OPHN1: variants seen among roughly 807,000 people sequenced by gnomAD.
OPHN1 encodes the protein oligophrenin-1.
In OPHN1, 11 loss-of-function variants were observed where a neutral mutation model predicts 60.7. The ratio of observed to expected loss-of-function variants is 0.18; its 90% CI spans 0.11 to 0.30. OPHN1 has a LOEUF of 0.30. Among genes scored for constraint, OPHN1 ranks in the 10% least tolerant of loss-of-function variants. The probability of loss-of-function intolerance (pLI) is 1.00; values close to 1 mark genes in which losing one functional copy is unlikely to be tolerated. For synonymous variants in OPHN1, 226 were observed against 222.6 expected (o/e 1.02, Z -0.14); for missense variants, 449 against 611.0 (o/e 0.73, Z 2.80).
At chrX:68,110,236 A>T (rs1423314672) in intron 18 of OPHN1, among the ~76,000 whole-genome samples, 1 of 112,013 alleles carries the variant, frequency 8.9e-6, no homozygotes, top group Non-Finnish European at 1.9e-5. Flanking sequence ...TTTTGTTACT[A>T]TGAGTGAGCT....
chrX:68,216,951 C>T (rs1019107879), intron 6 of OPHN1, among the ~76,000 whole-genome samples: 3 of 112,081 alleles, frequency 2.7e-5, no homozygotes, highest in Non-Finnish European at 5.6e-5. Flanking sequence ...GGAACAGCTC[C>T]GGTCTACAGC....
chrX:68,302,237 T>C (rs778690227), intron 2 of OPHN1, among the ~76,000 whole-genome samples: 54 of 112,241 alleles, frequency 4.8e-4, no homozygotes, highest in Non-Finnish European at 8.4e-4. Context: ...ATTTCTCCAA[T>C]GCATGGGTTA....
At chrX:68,384,190 A>T (rs1417540476) in intron 2 of OPHN1, among the ~76,000 whole-genome samples, 1 of 112,000 alleles carries the variant, frequency 8.9e-6, no homozygotes, top group Non-Finnish European at 1.9e-5. Context: ...ATATTATTTC[A>T]AAAGTAGAGG....
intron 15 of OPHN1, among the ~76,000 whole-genome samples, chrX:68,164,009 C>T (rs760731495): frequency 2.7e-5 from 3 of 111,662 alleles, no homozygotes; most frequent in Admixed American, 1.9e-4. Flanking sequence ...CATTTATGGA[C>T]GGTTTACTGC....
At chrX:68,426,057 C>T (rs1602412905) in intron 2 of OPHN1, among the ~76,000 whole-genome samples, 1 of 111,131 alleles carries the variant, frequency 9.0e-6, no homozygotes, top group East Asian at 2.9e-4. Flanking sequence ...GTCTCAAACT[C>T]CTAGACTGAA....
At chrX:68,070,562 G>A (rs748619849) in intron 20 of OPHN1, 2 of 645,588 alleles carry the variant, frequency 3.1e-6, no homozygotes, top group Admixed American at 2.2e-5. Context: ...GGACTTTACT[G>A]TCCAGGAGCT....
chrX:68,065,767 A>G (rs1217867029), intron 20 of OPHN1, among the ~76,000 whole-genome samples: 1 of 112,217 alleles, frequency 8.9e-6, no homozygotes, highest in Non-Finnish European at 1.9e-5. Context: ...GGCACATAAC[A>G]GACACTCATT....
chrX:68,159,694 A>G (rs2077325520), intron 15 of OPHN1, among the ~76,000 whole-genome samples: 1 of 111,874 alleles, frequency 8.9e-6, no homozygotes, highest in Non-Finnish European at 1.9e-5. Flanking sequence ...AGAAATAGCT[A>G]CAGCTCAGGA....
Position 68,089,369 on chromosome X carries a change from C to A in OPHN1, c.1686+7501G>T, listed in dbSNP as rs780231435. Among the ~76,000 whole-genome samples, 6 of 111,498 alleles carry A rather than the reference C, an allele frequency of 5.4e-5. No individual in the cohort carries two copies. In the South Asian group the frequency reaches 2.3e-3, roughly 42 times the overall value. ...AAAAATCTCTGATTCTATATTCTTC[C>A]CCACCCACACACACTCGAAGCCTCC... On this transcript the variant is annotated intron_variant, in intron 19 of 24. Coordinates refer to ENST00000355520, the MANE Select transcript of OPHN1 (RefSeq NM_002547.3).
At position 68,047,067 on chromosome X, in the gene OPHN1, G is replaced by A. The variant is rs763210164; in HGVS notation, c.*105C>T. ...GAAAGTGCAAGGCTAGGAAGGAGCT[G>A]CTCTTCAACACAAAATGACTCCGCA... On this transcript the variant is annotated 3_prime_UTR_variant, in exon 25 of 25. Coordinates refer to ENST00000355520, the MANE Select transcript of OPHN1 (RefSeq NM_002547.3). The A allele has an allele frequency of 8.9e-6, 1 of 112,048 alleles. No individual in the cohort carries two copies. Among genetic ancestry groups the A allele is most frequent in the East Asian group, 2.8e-4 (1 of 3,561 alleles). 9.2% of individuals were successfully genotyped at this position (112,048 alleles called of 1,213,427 possible).
chrX:68,391,858 A>C (rs1245028553), intron 2 of OPHN1, among the ~76,000 whole-genome samples: 1 of 111,418 alleles, frequency 9.0e-6, no homozygotes. Context: ...CTTGAAGCTG[A>C]AAATGGCAAG....
chrX:68,184,983 G>T (rs768618242), intron 15 of OPHN1, among the ~76,000 whole-genome samples: 47 of 112,376 alleles, frequency 4.2e-4, no homozygotes, highest in Admixed American at 3.9e-3. Context: ...AATAAAACAT[G>T]CCCTCCAACA....
intron 2 of OPHN1, among the ~76,000 whole-genome samples, chrX:68,356,194 A>G (rs757528959): frequency 9.0e-6 from 1 of 111,355 alleles, no homozygotes; most frequent in South Asian, 3.7e-4. Context: ...GTGGACTTTG[A>G]GTAAAACAGA....
rs1436595690 is a variant in OPHN1, at chrX:68,234,386, C to T, written c.486+101G>A. ...AAGTGCTACTATCACATGAGGTTCC[C>T]TGCTGAGACGGGGTATGGGAAAAGC... is the stretch of plus-strand genomic sequence containing the variant. On this transcript the variant is annotated intron_variant, in intron 6 of 24. Coordinates refer to ENST00000355520, the MANE Select transcript of OPHN1 (RefSeq NM_002547.3). The T allele has an allele frequency of 4.5e-6, 3 of 661,579 alleles. No homozygotes were observed. In the African/African-American group the frequency reaches 6.5e-5, roughly 14 times the overall value. The allele number at this position is 661,579 out of a possible 1,213,427, so 54.5% of individuals were successfully genotyped here.
rs767737764 is a variant in OPHN1 at position 68,299,074 on chromosome X, T to C, written c.177A>G (p.Lys59=). The change falls in exon 3 of 25, where the codon AAA becomes AAG. Residue 59 remains lysine (K), a synonymous_variant. Coordinates refer to ENST00000355520, the MANE Select transcript of OPHN1 (RefSeq NM_002547.3). The part of the protein sequence containing the change: ...AMRNYSSAVQ[K]FSQTLQSFQF... ...GAAATGACTGCAGCGTCTGGGAAAATTTCTGAACAGCAGAAGAATAATCTG... is the reference window on the plus strand; with the variant it reads ...GAAATGACTGCAGCGTCTGGGAAAACTTCTGAACAGCAGAAGAATAATCTG... 4 of 1,181,247 alleles carry C rather than the reference T, an allele frequency of 3.4e-6. No homozygotes were observed. The Admixed American group carries it at 8.8e-5, about 26-fold the overall frequency.
At chrX:68,194,559 G>A in intron 12 of OPHN1, 61 bp from the exon 13 acceptor site, 2 of 945,526 alleles carry the variant, frequency 2.1e-6, no homozygotes, top group Non-Finnish European at 3.0e-6. Flanking sequence ...GGAAAACAGA[G>A]AACATAATAT....
At chrX:68,096,663 T>C (rs944117861) in intron 19 of OPHN1, among the ~76,000 whole-genome samples, 3 of 111,735 alleles carry the variant, frequency 2.7e-5, no homozygotes, top group African/African-American at 9.8e-5. Flanking sequence ...GCATGGTGTC[T>C]GAAAATAATA....
At chrX:68,363,634 G>T (rs2078484822) in intron 2 of OPHN1, among the ~76,000 whole-genome samples, 1 of 111,647 alleles carries the variant, frequency 9.0e-6, no homozygotes, top group East Asian at 2.8e-4. Context: ...AAAAAAGACA[G>T]TTTGAAACAA....
intron 5 of OPHN1, among the ~76,000 whole-genome samples, chrX:68,265,724 T>C (rs998375160): frequency 2.7e-5 from 3 of 111,123 alleles, no homozygotes; most frequent in Non-Finnish European, 5.7e-5. Flanking sequence ...ATGATCAAAC[T>C]ACTCCGAGCT....
Sources: allele counts gnomAD v4.1 joint callset (sites outside exome capture counted in the v4.1 genomes callset), GRCh38; gene constraint gnomAD v4.1.1; transcripts MANE v1.5; gene names NCBI Gene and HGNC (gene_info 2026-07-23, HGNC 2026-07-21).